The following LHFPL3 variants were observed in gnomAD, a reference collection of about 807,000 sequenced individuals.
LHFPL3 encodes the protein LHFPL tetraspan subfamily member 3.
A neutral mutation model predicts 19.3 loss-of-function variants in LHFPL3; 5 were observed. The observed-to-expected ratio is 0.26, with a 90% CI of 0.14 to 0.54. The LOEUF (loss-of-function observed/expected upper bound fraction) is 0.54, where lower values mean the gene tolerates loss of function less well. LHFPL3 is among the 20% of genes least tolerant of loss of function. The pLI, the probability that LHFPL3 is intolerant of heterozygous loss-of-function variation, is 0.94. For synonymous variants in LHFPL3, 133 were observed against 126.2 expected, an observed-to-expected ratio of 1.05 and a Z score of -0.36; for missense variants, 249 against 307.4, an observed-to-expected ratio of 0.81 and a Z score of 1.42.
intron 1 of LHFPL3, chr7:104,668,930 A>G: frequency 6.2e-7 from 1 of 1,612,426 alleles, no homozygotes; most frequent in South Asian, 1.1e-5. Flanking sequence ...CCAAAACTAG[A>G]ACGACGGCCT....
chr7:104,453,489 T>C (rs747179414), intron 1 of LHFPL3, among the ~76,000 whole-genome samples: 11 of 152,114 alleles, frequency 7.2e-5, no homozygotes, highest in Non-Finnish European at 1.2e-4. Flanking sequence ...GAGAAAGACA[T>C]TCCTGGGTTG....
chr7:104,906,212 A>G lies in LHFPL3; in HGVS notation c.708A>G (p.Glu236=), dbSNP rs1399499430. Residue 236 remains glutamate (E), a synonymous_variant, in exon 3 of 3, where the codon GAA becomes GAG. Transcript: ENST00000424859. ...TTCTGCTAAGCCAATATTCTCTAGA[A>G]TGAGCACAAAACAAATCGAATAACA... is the stretch of plus-strand genomic sequence containing the variant. The part of the protein sequence containing the change: ...NKVLLSQYSL[E] 6.2e-7 allele frequency: 1 copy of G among 1,609,630 alleles called. No homozygotes were observed. The highest frequency in any genetic ancestry group is 1.7e-5 in the Admixed American group (1 of 59,568).
At chr7:104,455,896 G>A (rs1792528895) in intron 1 of LHFPL3, among the ~76,000 whole-genome samples, 1 of 152,068 alleles carries the variant, frequency 6.6e-6, no homozygotes, top group Non-Finnish European at 1.5e-5. Flanking sequence ...ATTTTTCAGA[G>A]GTAATTATTT....
intron 1 of LHFPL3, among the ~76,000 whole-genome samples, chr7:104,538,505 G>A (rs894361286): frequency 6.6e-6 from 1 of 152,192 alleles, no homozygotes; most frequent in African/African-American, 2.4e-5. Context: ...TCGTCTGAAA[G>A]GTATGTCAGA....
chr7:104,733,983 C>T (rs1452312201), intron 1 of LHFPL3, among the ~76,000 whole-genome samples: 1 of 152,130 alleles, frequency 6.6e-6, no homozygotes, highest in Non-Finnish European at 1.5e-5. Flanking sequence ...ACTTATGAAG[C>T]TTAGTTTGGC....
chr7:104,491,480 A>T (rs1049877177), intron 1 of LHFPL3, among the ~76,000 whole-genome samples: 5 of 151,890 alleles, frequency 3.3e-5, no homozygotes, highest in Non-Finnish European at 5.9e-5. Context: ...TAAAAAAAAA[A>T]ACAAATTATA....
intron 1 of LHFPL3, chr7:104,623,049 T>C: frequency 2.9e-6 from 1 of 344,672 alleles, no homozygotes; most frequent in Non-Finnish European, 6.0e-6. Flanking sequence ...TGAGCATCTT[T>C]TCATGTATTC....
chr7:104,788,264 G>A (rs1789960073), intron 2 of LHFPL3, among the ~76,000 whole-genome samples: 1 of 152,122 alleles, frequency 6.6e-6, no homozygotes, highest in African/African-American at 2.4e-5. Context: ...TAACTAGTAG[G>A]AAGCTCAGCA....
intron 1 of LHFPL3, among the ~76,000 whole-genome samples, chr7:104,387,884 T>A (rs1391816201): frequency 6.6e-6 from 1 of 152,178 alleles, no homozygotes; most frequent in Non-Finnish European, 1.5e-5. Context: ...GATTATTTCA[T>A]CACCCAGCTA....
chr7:104,826,493 A>C (rs549947982), intron 2 of LHFPL3: 1 of 163,572 alleles, frequency 6.1e-6, no homozygotes, highest in South Asian at 1.8e-4. Context: ...CCCAAATCCT[A>C]GCACCATGGA....
At chr7:104,422,699 A>G (rs1263511121) in intron 1 of LHFPL3, among the ~76,000 whole-genome samples, 1 of 152,218 alleles carries the variant, frequency 6.6e-6, no homozygotes. Context: ...GGGGATAATA[A>G]TAGAATCCTA....
chr7:104,626,703 G>C (rs962785788), intron 1 of LHFPL3, among the ~76,000 whole-genome samples: 5 of 152,208 alleles, frequency 3.3e-5, no homozygotes, highest in Non-Finnish European at 7.3e-5. Flanking sequence ...GCAGGAGGAA[G>C]TAGAAGATGT....
intron 1 of LHFPL3, among the ~76,000 whole-genome samples, chr7:104,380,476 C>T (rs1319877794): frequency 6.6e-6 from 1 of 151,976 alleles, no homozygotes; most frequent in Non-Finnish European, 1.5e-5. Flanking sequence ...CTCCAGGGCT[C>T]AAGAAAAATC....
intron 1 of LHFPL3, among the ~76,000 whole-genome samples, chr7:104,352,084 G>A (rs1790187881): frequency 6.6e-6 from 1 of 151,702 alleles, no homozygotes; most frequent in African/African-American, 2.4e-5. Context: ...AGGATCCTTT[G>A]AGCTCAGGAT....
chr7:104,610,865 T>C (rs1363333646), intron 1 of LHFPL3, among the ~76,000 whole-genome samples: 1 of 152,206 alleles, frequency 6.6e-6, no homozygotes, highest in Non-Finnish European at 1.5e-5. Context: ...TTAACTGTTA[T>C]AAGATGAGTA....
chr7:104,336,244 T>C lies in LHFPL3; in HGVS notation c.445+7020T>C, dbSNP rs559188146. ...TGATGGAAAGTAAGAGGCTGCTTCA[T>C]ATAGCAAATAGTAGATAAGTTATTT... On this transcript the variant is annotated intron_variant, in intron 1 of 2. Transcript: ENST00000424859. Among the ~76,000 whole-genome samples the C allele has an allele frequency of 2.6e-5, 4 of 152,272 alleles. No homozygotes were observed. In the East Asian group the frequency reaches 7.7e-4, roughly 29 times the overall value.
intron 1 of LHFPL3, among the ~76,000 whole-genome samples, chr7:104,514,642 G>C (rs1265979337): frequency 2.0e-5 from 3 of 152,196 alleles, no homozygotes; most frequent in African/African-American, 7.2e-5. Context: ...ACAAGTCTCA[G>C]GGAGCTGGAA....
chr7:104,691,380 G>A (rs1191577345), intron 1 of LHFPL3, among the ~76,000 whole-genome samples: 1 of 152,238 alleles, frequency 6.6e-6, no homozygotes, highest in African/African-American at 2.4e-5. Context: ...TCAGTTGACA[G>A]AGGGAGAGAA....
chr7:104,668,534 T>C, intron 1 of LHFPL3: 13 of 1,613,184 alleles, frequency 8.1e-6, no homozygotes, highest in Non-Finnish European at 1.1e-5. Context: ...GCAGAGACTA[T>C]GATAGAGGCT....
Sources: gnomAD v4.1 joint callset for allele counts (sites outside exome capture counted in the v4.1 genomes callset) on GRCh38, gnomAD v4.1.1 for gene constraint, MANE v1.5 for transcripts, NCBI Gene and HGNC (gene_info 2026-07-23, HGNC 2026-07-21) for gene names.